LDLRAD4: variants seen among roughly 807,000 people sequenced by gnomAD.
The protein encoded by LDLRAD4 is low density lipoprotein receptor class A domain containing 4, also known as low-density lipoprotein receptor class A domain-containing protein 4.
LDLRAD4 carries 5 observed loss-of-function variants against 17.0 expected under a neutral mutation model. That is an observed-to-expected ratio of 0.29 (90% CI 0.15 to 0.62). The LOEUF (loss-of-function observed/expected upper bound fraction) is 0.62. Ranked by LOEUF, LDLRAD4 falls within the 20% of genes least tolerant of loss-of-function variation. The pLI is 0.84. For synonymous variants in LDLRAD4, 168 were observed against 171.8 expected, an observed-to-expected ratio of 0.98 and a Z score of 0.17; for missense variants, 340 against 424.7, an observed-to-expected ratio of 0.80 and a Z score of 1.75.
chr18:13,514,368 C>T (rs1392211392), intron 3 of LDLRAD4, among the ~76,000 whole-genome samples: 9 of 152,198 alleles, frequency 5.9e-5, no homozygotes, highest in Non-Finnish European at 1.5e-5. Flanking sequence ...CAGTGTCTAG[C>T]ATATAATAAA....
At chr18:13,487,017 T>A (rs373908552) in intron 3 of LDLRAD4, 1 of 152,230 alleles carries the variant, frequency 6.6e-6, no homozygotes, top group East Asian at 1.9e-4. Context: ...GTGGCTTTAC[T>A]TTGCATTTCC....
At chr18:13,470,321 A>G (rs1229509569) in intron 3 of LDLRAD4, among the ~76,000 whole-genome samples, 1 of 152,026 alleles carries the variant, frequency 6.6e-6, no homozygotes, top group Non-Finnish European at 1.5e-5. Flanking sequence ...TCTCTCATGA[A>G]TGGTTGTGTT....
chr18:13,485,654 GT>G (rs1422573606), intron 3 of LDLRAD4, among the ~76,000 whole-genome samples: 1 of 152,230 alleles, frequency 6.6e-6, no homozygotes, highest in Non-Finnish European at 1.5e-5. Flanking sequence ...GGGTGCTTCA[GT>G]TTTAGTAACT....
intron 1 of LDLRAD4, among the ~76,000 whole-genome samples, chr18:13,233,650 C>T (rs1263853710): frequency 6.6e-6 from 1 of 152,126 alleles, no homozygotes; most frequent in African/African-American, 2.4e-5. Context: ...GGGGTCTCTC[C>T]CTTAGCTGTC....
At chr18:13,493,081 T>C (rs2093391837) in intron 3 of LDLRAD4, among the ~76,000 whole-genome samples, 1 of 152,096 alleles carries the variant, frequency 6.6e-6, no homozygotes, top group Non-Finnish European at 1.5e-5. Flanking sequence ...ATTGCACCAC[T>C]GTACTGCAGC....
intron 3 of LDLRAD4, among the ~76,000 whole-genome samples, chr18:13,482,991 C>T (rs138773575): frequency 6.6e-6 from 1 of 152,240 alleles, no homozygotes; most frequent in Non-Finnish European, 1.5e-5. Flanking sequence ...GATGAGGGAC[C>T]TTCAGAGAGA....
intron 3 of LDLRAD4, among the ~76,000 whole-genome samples, chr18:13,578,109 C>G (rs2148414467): frequency 6.6e-6 from 1 of 151,250 alleles, no homozygotes; most frequent in East Asian, 1.9e-4. Context: ...GAATCTGAAG[C>G]AGGCCAAAGA....
chr18:13,292,752 A>G (rs1035731196), intron 1 of LDLRAD4, among the ~76,000 whole-genome samples: 22 of 152,220 alleles, frequency 1.4e-4, no homozygotes, highest in African/African-American at 5.1e-4. Context: ...TTATTTTGCA[A>G]TTAATGAGGC....
chr18:13,372,300 G>A (rs1318147684), intron 1 of LDLRAD4, among the ~76,000 whole-genome samples: 1 of 152,186 alleles, frequency 6.6e-6, no homozygotes, highest in African/African-American at 2.4e-5. Flanking sequence ...GGGGGTACAC[G>A]TAAAGGTGGT....
chr18:13,625,420 C>A (rs766009985), intron 4 of LDLRAD4, among the ~76,000 whole-genome samples: 1 of 152,146 alleles, frequency 6.6e-6, no homozygotes, highest in Non-Finnish European at 1.5e-5. Flanking sequence ...GCTGAGGAAG[C>A]TTCCCGCCCT....
chr18:13,491,056 A>G (rs1163659846), intron 3 of LDLRAD4, among the ~76,000 whole-genome samples: 3 of 152,062 alleles, frequency 2.0e-5, no homozygotes, highest in East Asian at 3.9e-4. Context: ...GCTCCTCTTC[A>G]TGGTAGTGGG....
At chr18:13,340,453 A>G (rs2082315498) in intron 1 of LDLRAD4, among the ~76,000 whole-genome samples, 1 of 151,982 alleles carries the variant, frequency 6.6e-6, no homozygotes, top group Admixed American at 6.6e-5. Context: ...TAGCCACGTT[A>G]ATATGTTTTT....
chr18:13,261,026 G>T (rs2043789326), intron 1 of LDLRAD4, among the ~76,000 whole-genome samples: 1 of 152,236 alleles, frequency 6.6e-6, no homozygotes, highest in South Asian at 2.1e-4. Context: ...AGCCCAGCTT[G>T]CTTTCCCCAT....
intron 1 of LDLRAD4, among the ~76,000 whole-genome samples, chr18:13,349,120 G>A (rs148890397): frequency 2.2e-4 from 33 of 152,304 alleles, no homozygotes; most frequent in African/African-American, 6.0e-4. Flanking sequence ...AGATGAACCC[G>A]GTACCACAGT....
At chr18:13,282,339 A>G (rs2045332961) in intron 1 of LDLRAD4, among the ~76,000 whole-genome samples, 1 of 152,206 alleles carries the variant, frequency 6.6e-6, no homozygotes, top group Admixed American at 6.5e-5. Flanking sequence ...TCCACAGTCC[A>G]AAGTCTCATT....
At chr18:13,508,348 C>G (rs2093726472) in intron 3 of LDLRAD4, among the ~76,000 whole-genome samples, 1 of 152,188 alleles carries the variant, frequency 6.6e-6, no homozygotes, top group Non-Finnish European at 1.5e-5. Flanking sequence ...TAGCTAAGAT[C>G]ACTGATGAAG....
chr18:13,327,622 T>G (rs2081604859), intron 1 of LDLRAD4, among the ~76,000 whole-genome samples: 1 of 151,880 alleles, frequency 6.6e-6, no homozygotes, highest in Admixed American at 6.6e-5. Flanking sequence ...ATGGAAGTGG[T>G]ACTTGATGGC....
chr18:13,343,933 G>T (rs1282345815), intron 1 of LDLRAD4, among the ~76,000 whole-genome samples: 2 of 152,100 alleles, frequency 1.3e-5, no homozygotes, highest in Non-Finnish European at 2.9e-5. Context: ...GGGGTTATTT[G>T]TTTTTTTCTT....
chr18:13,609,659 TG>T (rs1337723770), intron 3 of LDLRAD4, among the ~76,000 whole-genome samples: 2 of 152,128 alleles, frequency 1.3e-5, no homozygotes, highest in East Asian at 3.9e-4. Flanking sequence ...TTAAACTGAG[TG>T]GGCAAGGAGC....
Sources: gnomAD v4.1 joint callset for allele counts (sites outside exome capture counted in the v4.1 genomes callset) on GRCh38, gnomAD v4.1.1 for gene constraint, MANE v1.5 for transcripts, NCBI Gene and HGNC (gene_info 2026-07-23, HGNC 2026-07-21) for gene names.